Variants in CLPB observed in about 807,000 individuals in gnomAD.
CLPB encodes mitochondrial disaggregase.
A neutral mutation model predicts 78.4 loss-of-function variants in CLPB; 40 were observed. The observed-to-expected ratio is 0.51, with a 90% CI of 0.40 to 0.66. CLPB has a LOEUF of 0.66. Among genes scored for constraint, CLPB ranks in the 30% least tolerant of loss-of-function variants. The pLI, the probability that CLPB is intolerant of heterozygous loss-of-function variation, is 0.00. For missense variants in CLPB, 780 were observed against 886.9 expected (o/e 0.88, Z 1.53); for synonymous variants, 333 against 348.0 (o/e 0.96, Z 0.48).
At chr11:72,359,513 G>A (rs1442472017) in intron 4 of CLPB, among the ~76,000 whole-genome samples, 2 of 152,156 alleles carry the variant, frequency 1.3e-5, no homozygotes, top group African/African-American at 4.8e-5. Context: ...GGCTGTTTTA[G>A]CAGATTAATA....
chr11:72,308,396 G>A (rs1039484654), intron 8 of CLPB, 131 bp downstream of exon 8: 9 of 712,942 alleles, frequency 1.3e-5, no homozygotes, highest in African/African-American at 5.3e-5. Context: ...TCTGGAGGCC[G>A]TTGCTTTTAG....
chr11:72,388,110 A>T (rs1244896530), intron 3 of CLPB, among the ~76,000 whole-genome samples: 3 of 152,192 alleles, frequency 2.0e-5, no homozygotes, highest in Admixed American at 2.0e-4. Flanking sequence ...GGTGGGGAGA[A>T]GAGAGTGACT....
intron 5 of CLPB, among the ~76,000 whole-genome samples, chr11:72,347,200 T>G (rs1462572214): frequency 6.6e-6 from 1 of 152,058 alleles, no homozygotes; most frequent in East Asian, 1.9e-4. Flanking sequence ...GGGTGCTAAT[T>G]CTAGGGTAAA....
intron 4 of CLPB, among the ~76,000 whole-genome samples, chr11:72,374,048 G>A (rs568528016): frequency 1.1e-3 from 160 of 151,956 alleles, no homozygotes; most frequent in Non-Finnish European, 2.0e-3. Flanking sequence ...GGCTGACAGG[G>A]GCACCGGAGG....
intron 3 of CLPB, among the ~76,000 whole-genome samples, chr11:72,388,206 A>G (rs1164613976): frequency 6.6e-6 from 1 of 151,938 alleles, no homozygotes; most frequent in Non-Finnish European, 1.5e-5. Flanking sequence ...GTAAGCATCC[A>G]AGACAGTGAC....
At chr11:72,318,175 T>A (rs959219545) in intron 6 of CLPB, among the ~76,000 whole-genome samples, 8 of 152,244 alleles carry the variant, frequency 5.3e-5, no homozygotes, top group Non-Finnish European at 1.2e-4. Flanking sequence ...CTGCTATTTC[T>A]AGCATGGGTC....
chr11:72,406,174 C>T (rs966487796), intron 2 of CLPB, among the ~76,000 whole-genome samples: 1 of 152,056 alleles, frequency 6.6e-6, no homozygotes. Context: ...GTAATACAGA[C>T]CTTGGGAGAG....
At chr11:72,342,760 A>G (rs1950443619) in intron 5 of CLPB, among the ~76,000 whole-genome samples, 1 of 152,208 alleles carries the variant, frequency 6.6e-6, no homozygotes, top group Admixed American at 6.5e-5. Context: ...GGCTGAATTT[A>G]GCAGTCATAA....
chr11:72,364,333 G>A (rs531688393), intron 4 of CLPB, among the ~76,000 whole-genome samples: 3 of 151,668 alleles, frequency 2.0e-5, no homozygotes, highest in East Asian at 1.9e-4. Flanking sequence ...TCAGCCTCCC[G>A]AGTAGCTGGG....
At chr11:72,327,746 C>T (rs879942652) in intron 6 of CLPB, among the ~76,000 whole-genome samples, 2 of 152,224 alleles carry the variant, frequency 1.3e-5, no homozygotes, top group Non-Finnish European at 2.9e-5. Context: ...TTATGCACAA[C>T]AGTGCTGAGG....
At chr11:72,330,696 G>C (rs1346075868) in intron 5 of CLPB, among the ~76,000 whole-genome samples, 7 of 152,210 alleles carry the variant, frequency 4.6e-5, no homozygotes, top group Admixed American at 3.3e-4. Flanking sequence ...AGAAGAATCA[G>C]ATCTGGCCCT....
intron 11 of CLPB, among the ~76,000 whole-genome samples, chr11:72,296,711 G>C (rs1949557020): frequency 6.6e-6 from 1 of 152,142 alleles, no homozygotes; most frequent in Non-Finnish European, 1.5e-5. Context: ...CCTTCTACTA[G>C]GAAAGTGGCT....
intron 1 of CLPB, among the ~76,000 whole-genome samples, chr11:72,431,753 G>A (rs559446527): frequency 6.6e-6 from 1 of 152,302 alleles, no homozygotes; most frequent in South Asian, 2.1e-4. Context: ...AGTGAGGAAT[G>A]AGCTAAGAAC....
chr11:72,378,113 T>A (rs918024575), intron 4 of CLPB, among the ~76,000 whole-genome samples: 1 of 152,246 alleles, frequency 6.6e-6, no homozygotes, highest in African/African-American at 2.4e-5. Flanking sequence ...TTGGACTAGA[T>A]GGCTTCATAG....
chr11:72,400,149 T>C (rs900369407), intron 3 of CLPB, among the ~76,000 whole-genome samples: 1 of 152,242 alleles, frequency 6.6e-6, no homozygotes, highest in Non-Finnish European at 1.5e-5. Context: ...AAATAAGCTC[T>C]ATGTGGGCAG....
At chr11:72,355,708 G>C (rs1212425178) in intron 5 of CLPB, among the ~76,000 whole-genome samples, 1 of 152,146 alleles carries the variant, frequency 6.6e-6, no homozygotes, top group Non-Finnish European at 1.5e-5. Flanking sequence ...CCTCCTAATG[G>C]GCCAGAGAGC....
At chr11:72,337,573 C>T (rs1159792304) in intron 5 of CLPB, among the ~76,000 whole-genome samples, 5 of 152,102 alleles carry the variant, frequency 3.3e-5, no homozygotes. Flanking sequence ...AAATAATTTA[C>T]CCATGGTCAT....
chr11:72,351,074 T>C (rs1157673051), intron 5 of CLPB, among the ~76,000 whole-genome samples: 1 of 152,220 alleles, frequency 6.6e-6, no homozygotes, highest in African/African-American at 2.4e-5. Flanking sequence ...AAACCTTTAG[T>C]ATTCAATCAC....
chr11:72,358,880 C>G lies in CLPB; in HGVS notation c.775G>C (p.Gly259Arg). 1 of 1,590,588 alleles carries G rather than the reference C, an allele frequency of 6.3e-7. No homozygotes were observed. The highest frequency in any genetic ancestry group is 8.6e-7 in the Non-Finnish European group (1 of 1,166,084). ...ACCCCTCCTCCACCTCTGCTCTCAC[C>G]TCCATCAAGCAGCTCCTTGACAGTG... is the stretch of plus-strand genomic sequence containing the variant. Reference protein sequence around the residue: ...YRTVKELLDGGANPLQRNEMG... With the variant: ...YRTVKELLDGRANPLQRNEMG... Residue 259 changes from glycine (G) to arginine (R), a missense_variant and splice_region_variant, in exon 5 of 16, where the codon GGA (glycine) becomes CGA (arginine). Gly to Arg is a moderately radical substitution (Grantham distance 125). This residue lies in a region of CLPB where 417 missense variants were observed against 414.7 expected (regional missense o/e 1.01). Transcript: ENST00000538039.
Sources: allele counts gnomAD v4.1 joint callset (sites outside exome capture counted in the v4.1 genomes callset), GRCh38; gene constraint gnomAD v4.1.1; regional missense constraint gnomAD v4.1.1; transcripts MANE v1.5; gene names NCBI Gene and HGNC (gene_info 2026-07-23, HGNC 2026-07-21).